Variants in HCK observed in about 807,000 individuals in gnomAD.
HCK encodes the protein HCK proto-oncogene, Src family tyrosine kinase.
Under a neutral mutation model 70.4 loss-of-function variants are expected in HCK, and 40 were observed. That is an observed-to-expected ratio of 0.57 (90% confidence interval 0.44 to 0.74). HCK has a LOEUF of 0.74. Among genes scored for constraint, HCK ranks in the 30% least tolerant of loss-of-function variants. The pLI, the probability that HCK is intolerant of heterozygous loss-of-function variation, is 0.00. For synonymous variants in HCK, 245 were observed against 263.2 expected (o/e 0.93, Z 0.67); for missense variants, 568 against 697.2 (o/e 0.81, Z 2.09).
At chr20:32,063,472 T>A (rs1229406712) in intron 1 of HCK, among the ~76,000 whole-genome samples, 1 of 151,908 alleles carries the variant, frequency 6.6e-6, no homozygotes, top group Non-Finnish European at 1.5e-5. Context: ...AGCCTTGTAC[T>A]CCTGGGCTCA....
At chr20:32,073,930 A>T in intron 4 of HCK, 112 bp downstream of exon 4, 1 of 654,224 alleles carries the variant, frequency 1.5e-6, no homozygotes, top group Non-Finnish European at 2.8e-6. Context: ...TCCTGGGTAT[A>T]AATGTCTAAT....
intron 11 of HCK, among the ~76,000 whole-genome samples, chr20:32,095,856 A>AATAT (rs1207492473): frequency 3.4e-5 from 5 of 146,146 alleles, no homozygotes; most frequent in South Asian, 2.2e-4. Context: ...CTGTTAGCCT[A>AATAT]ATATTTATTT....
intron 11 of HCK, among the ~76,000 whole-genome samples, chr20:32,097,559 A>C (rs1447596953): frequency 6.6e-6 from 1 of 152,136 alleles, no homozygotes; most frequent in Non-Finnish European, 1.5e-5. Context: ...CAGCCTGGGC[A>C]AACAGAGCGA....
intron 11 of HCK, among the ~76,000 whole-genome samples, chr20:32,094,362 A>C (rs997967948): frequency 1.3e-5 from 2 of 152,158 alleles, no homozygotes; most frequent in African/African-American, 4.8e-5. Context: ...ATATTCACAC[A>C]ATATAATACC....
At chr20:32,087,622 A>G (rs1271738428) in intron 9 of HCK, among the ~76,000 whole-genome samples, 1 of 151,212 alleles carries the variant, frequency 6.6e-6, no homozygotes, top group Non-Finnish European at 1.5e-5. Context: ...ATGCACTACC[A>G]CACCCAGCTA....
Position 32,073,355 on chromosome 20 carries a change from A to C in HCK, c.220A>C (p.Arg74=). The C allele has an allele frequency of 6.2e-7, 1 of 1,611,692 alleles. No individual in the cohort carries two copies. The highest frequency in any genetic ancestry group is 1.1e-5 in the South Asian group (1 of 90,738). Reference sequence around the variant, plus strand: ...CCACAACAGCAACACACCAGGAATCAGGGAGGGTAAGTATCTACGAGCAGA... The same window carrying C: ...CCACAACAGCAACACACCAGGAATCCGGGAGGGTAAGTATCTACGAGCAGA... Residue 74 remains arginine (R), a synonymous_variant, in exon 3 of 13, where the codon AGG becomes CGG. Transcript: ENST00000375852.
chr20:32,068,376 T>A (rs1464492181), intron 1 of HCK, among the ~76,000 whole-genome samples: 1 of 150,364 alleles, frequency 6.7e-6, no homozygotes, highest in African/African-American at 2.5e-5. Flanking sequence ...AAAAATAAAG[T>A]AAAATGAAAA....
chr20:32,080,802 G>A (rs2045698919), intron 6 of HCK, among the ~76,000 whole-genome samples: 1 of 152,048 alleles, frequency 6.6e-6, no homozygotes, highest in African/African-American at 2.4e-5. Flanking sequence ...TGTCAGGATT[G>A]TTTTTGTTTT....
At chr20:32,078,065 C>T (rs1413900071) in intron 5 of HCK, among the ~76,000 whole-genome samples, 5 of 150,348 alleles carry the variant, frequency 3.3e-5, no homozygotes, top group African/African-American at 4.9e-5. Flanking sequence ...GACAGAGTCT[C>T]GCTCTGTTGC....
At chr20:32,061,204 G>C (rs374136464) in intron 1 of HCK, among the ~76,000 whole-genome samples, 5 of 152,250 alleles carry the variant, frequency 3.3e-5, no homozygotes, top group East Asian at 1.9e-4. Context: ...GGCTGGTCTT[G>C]AACTCCTGAC....
At chr20:32,054,541 T>A (rs2122440291) in intron 1 of HCK, among the ~76,000 whole-genome samples, 1 of 116,078 alleles carries the variant, frequency 8.6e-6, no homozygotes, top group African/African-American at 3.3e-5. Flanking sequence ...ACGCGGGGGC[T>A]CACGCCTGTA....
At chr20:32,073,621 T>G in intron 3 of HCK, 95 bp from the exon 4 acceptor site, 1 of 772,086 alleles carries the variant, frequency 1.3e-6, no homozygotes, top group Non-Finnish European at 2.2e-6. Context: ...CACATATCGA[T>G]GGGTGCGGAG....
intron 1 of HCK, among the ~76,000 whole-genome samples, 197 bp downstream of exon 1, chr20:32,052,683 G>A (rs2045192567): frequency 1.3e-5 from 2 of 152,046 alleles, no homozygotes; most frequent in African/African-American, 2.4e-5. Context: ...AGGGAGGGGC[G>A]GCACTGTTGC....
rs71336559 is a variant in HCK at position 32,099,350 on chromosome 20, C to CTTTTTTTTTTTTTT, written c.1378+227_1378+240dup. 3.6e-4 allele frequency among the ~76,000 whole-genome samples: 31 copies of CTTTTTTTTTTTTTT among 85,174 alleles called. 1 individual carries two copies. The highest frequency in any genetic ancestry group is 1.8e-3 in the African/African-American group (28 of 15,520). The allele number at this position is 85,174 out of a possible 152,430, so 55.9% of individuals were successfully genotyped here. A position where few individuals can be genotyped will look rare whatever the true frequency, so the allele number is the denominator to read the frequency against. ...CCTTCCTTCTCTCTCACTCCTATGACTTTTTTTTTTTTTTTTTTTTTTTTT... is the reference window on the plus strand; with the variant it reads ...CCTTCCTTCTCTCTCACTCCTATGACTTTTTTTTTTTTTTTTTTTTTTTTTTTTTTTTTTTTTTT... On this transcript the variant is annotated intron_variant, in intron 12 of 12. Coordinates refer to ENST00000375852, the MANE Select transcript of HCK (RefSeq NM_002110.5).
intron 1 of HCK, 88 bp downstream of exon 1, chr20:32,052,574 G>C (rs2045189389): frequency 1.0e-5 from 10 of 992,864 alleles, no homozygotes; most frequent in Non-Finnish European, 1.3e-6. Flanking sequence ...GGGAGGGCTG[G>C]CTACGGGTGC....
At chr20:32,059,556 C>G (rs2045335908) in intron 1 of HCK, among the ~76,000 whole-genome samples, 1 of 151,170 alleles carries the variant, frequency 6.6e-6, no homozygotes, top group African/African-American at 2.4e-5. Flanking sequence ...CGCTCTGTCT[C>G]CCAGGCTGGA....
At chr20:32,083,633 A>T (rs1466205533) in intron 6 of HCK, among the ~76,000 whole-genome samples, 1 of 152,206 alleles carries the variant, frequency 6.6e-6, no homozygotes, top group Non-Finnish European at 1.5e-5. Flanking sequence ...GAGGCGTGAG[A>T]ACTATTCCCA....
intron 10 of HCK, among the ~76,000 whole-genome samples, chr20:32,092,762 C>G (rs913460233): frequency 1.3e-5 from 2 of 151,994 alleles, no homozygotes; most frequent in African/African-American, 4.8e-5. Context: ...CATGAACACC[C>G]AAGCTCTTAC....
chr20:32,099,350 C>CTTTTTTTTTTTTTTTTTTTTTTTTT (rs71336559), intron 12 of HCK, among the ~76,000 whole-genome samples: 8 of 85,172 alleles, frequency 9.4e-5, no homozygotes, highest in African/African-American at 4.5e-4. Context: ...ACTCCTATGA[C>CTTTTTTTTTTTTTTTTTTTTTTTTT]TTTTTTTTTT....
Sources: allele counts gnomAD v4.1 joint callset (sites outside exome capture counted in the v4.1 genomes callset), GRCh38; gene constraint gnomAD v4.1.1; transcripts MANE v1.5; gene names NCBI Gene and HGNC (gene_info 2026-07-23, HGNC 2026-07-21).